MASP1: variants seen among roughly 807,000 people sequenced by gnomAD.
MASP1 encodes mannan-binding lectin serine protease 1.
A neutral mutation model predicts 77.1 loss-of-function variants in MASP1; 59 were observed. The ratio of observed to expected loss-of-function variants is 0.77; its 90% CI spans 0.62 to 0.95. The LOEUF is 0.95. Among genes scored for constraint, MASP1 ranks in the 40% least tolerant of loss-of-function variants. The probability of loss-of-function intolerance (pLI) is 0.00; values close to 1 mark genes in which losing one functional copy is unlikely to be tolerated. For synonymous variants in MASP1, 362 were observed against 354.5 expected, an observed-to-expected ratio of 1.02 and a Z score of -0.24; for missense variants, 885 against 912.9, an observed-to-expected ratio of 0.97 and a Z score of 0.39.
chr3:187,239,230 A>G (rs530115078), intron 10 of MASP1, among the ~76,000 whole-genome samples: 1 of 151,890 alleles, frequency 6.6e-6, no homozygotes, highest in Non-Finnish European at 1.5e-5. Context: ...GTGCATGCCT[A>G]TAATCCCAAC....
chr3:187,241,538 C>A lies in MASP1; in HGVS notation c.1246G>T (p.Ala416Ser). 1 of 1,613,364 alleles carries A rather than the reference C, an allele frequency of 6.2e-7. No individual in the cohort carries two copies. Among genetic ancestry groups the A allele is most frequent in the Non-Finnish European group, 8.5e-7 (1 of 1,179,442 alleles). ...ACTTTATTCATCCAGACTCCTTGGG[C>A]AGAACAGGTATATATACCTGGATTA... ...NNNTGIYTCS[A>S]QGVWMNKVLG... Residue 416 changes from alanine (A) to serine (S), a missense_variant, in exon 10 of 11, where the codon GCC (alanine) becomes TCC (serine). By Grantham distance (99) the Ala-to-Ser change is moderately conservative. Transcript: ENST00000296280.
At chr3:187,266,346 C>A (rs1316371177) in intron 2 of MASP1, among the ~76,000 whole-genome samples, 1 of 152,116 alleles carries the variant, frequency 6.6e-6, no homozygotes, top group Non-Finnish European at 1.5e-5. Context: ...AGTTCCCTGC[C>A]TCTAGGAATG....
chr3:187,221,209 C>T, intron 14 of MASP1: 2 of 970,428 alleles, frequency 2.1e-6, no homozygotes, highest in South Asian at 2.7e-5. Context: ...CTGAAGACGG[C>T]TCCTCTCCAC....
intron 1 of MASP1, among the ~76,000 whole-genome samples, chr3:187,290,330 C>T (rs750422331): frequency 5.3e-5 from 8 of 152,028 alleles, no homozygotes; most frequent in Non-Finnish European, 1.0e-4. Context: ...GAAGGTTGCT[C>T]CAGGTTGAGG....
intron 8 of MASP1, 55 bp downstream of exon 8, chr3:187,250,196 C>G: frequency 1.4e-6 from 2 of 1,426,874 alleles, no homozygotes. Context: ...CTGCTCGGAT[C>G]CCGCCAGTGC....
chr3:187,255,609 T>A (rs2108549536), intron 5 of MASP1, among the ~76,000 whole-genome samples: 1 of 152,362 alleles, frequency 6.6e-6, no homozygotes, highest in African/African-American at 2.4e-5. Flanking sequence ...CTATGCTTCC[T>A]GCTAACCCCC....
intron 2 of MASP1, among the ~76,000 whole-genome samples, chr3:187,268,501 G>T (rs1716233057): frequency 7.1e-6 from 1 of 140,758 alleles, no homozygotes; most frequent in Non-Finnish European, 1.6e-5. Context: ...CTATGAAAAA[G>T]AAAGAAAGAA....
chr3:187,265,963 G>A (rs1043110953), intron 2 of MASP1, among the ~76,000 whole-genome samples: 1 of 152,128 alleles, frequency 6.6e-6, no homozygotes, highest in African/African-American at 2.4e-5. Flanking sequence ...CTGTGCTGTG[G>A]AATATGGAGT....
chr3:187,281,738 G>T (rs1469013562), intron 2 of MASP1, among the ~76,000 whole-genome samples: 1 of 152,136 alleles, frequency 6.6e-6, no homozygotes, highest in Admixed American at 6.5e-5. Context: ...GGAGGATTGG[G>T]ATTACAATTC....
chr3:187,230,722 C>A (rs1270602545), downstream of MASP1, among the ~76,000 whole-genome samples: 1 of 152,300 alleles, frequency 6.6e-6, no homozygotes, highest in African/African-American at 2.4e-5. Flanking sequence ...CCTCGGAGAC[C>A]ATCTGGTCTA....
chr3:187,235,660 C>T lies in MASP1; in HGVS notation c.*24G>A. The T allele has an allele frequency of 1.9e-6, 3 of 1,613,414 alleles. No homozygotes were observed. The highest frequency in any genetic ancestry group is 2.5e-6 in the Non-Finnish European group (3 of 1,180,022). On this transcript the variant is annotated 3_prime_UTR_variant, in exon 11 of 11. Transcript: ENST00000296280. Reference sequence around the variant, plus strand: ...GCGGTGTAGCTTCGCTCAGGGGAGGCAGGCCCCGAGGAAGTAAGTCAGCTC... The same window carrying T: ...GCGGTGTAGCTTCGCTCAGGGGAGGTAGGCCCCGAGGAAGTAAGTCAGCTC...
chr3:187,220,271 A>C (rs769397811), intron 15 of MASP1: 211 of 1,613,290 alleles, frequency 1.3e-4, no homozygotes, highest in Non-Finnish European at 1.7e-4. Context: ...CCTAGGTGAA[A>C]AAGAGACATA....
At chr3:187,269,097 A>C (rs541385679) in intron 2 of MASP1, among the ~76,000 whole-genome samples, 2 of 152,188 alleles carry the variant, frequency 1.3e-5, no homozygotes, top group South Asian at 4.1e-4. Flanking sequence ...TAAAACCAAA[A>C]ATGGCTTCAG....
chr3:187,237,368 C>T (rs1157412393), intron 10 of MASP1, among the ~76,000 whole-genome samples: 1 of 152,214 alleles, frequency 6.6e-6, no homozygotes, highest in Non-Finnish European at 1.5e-5. Flanking sequence ...CCCACACGGA[C>T]TTAACAGATA....
intron 8 of MASP1, chr3:187,244,276 G>A (rs1418867158): frequency 1.3e-5 from 2 of 158,286 alleles, no homozygotes; most frequent in African/African-American, 4.8e-5. Context: ...CCGCATGTTT[G>A]AGCCATAATT....
Position 187,235,895 on chromosome 3 carries a change from G to C in MASP1, c.1976C>G (p.Thr659Arg). ...CAGYYEGGKD[T>R]CLGDSGGAFV... ...GGCCCCACCGCTATCTCCAAGGCAC[G>C]TGTCTTTGCCGCCCTCGTAGTAGCC... is the stretch of plus-strand genomic sequence containing the variant. The change falls in exon 11 of 11, where the codon ACG becomes AGG. Residue 659 changes from threonine to arginine, a missense_variant. Coordinates refer to ENST00000296280, the MANE Select transcript of MASP1 (RefSeq NM_139125.4). 6.2e-7 allele frequency: 1 copy of C among 1,614,216 alleles called. No homozygotes were observed. Among genetic ancestry groups the C allele is most frequent in the Non-Finnish European group, 8.5e-7 (1 of 1,180,038 alleles).
intron 10 of MASP1, among the ~76,000 whole-genome samples, chr3:187,237,741 TGCTTG>T (rs1713299628): frequency 6.6e-6 from 1 of 152,136 alleles, no homozygotes; most frequent in Non-Finnish European, 1.5e-5. Flanking sequence ...CCAGGCAGGG[TGCTTG>T]GGTCTTGGAG....
At chr3:187,278,720 G>A (rs185505682) in intron 2 of MASP1, among the ~76,000 whole-genome samples, 57 of 152,072 alleles carry the variant, frequency 3.7e-4, no homozygotes, top group African/African-American at 1.3e-3. Flanking sequence ...TCTCCCATAC[G>A]CAGCCAGTTC....
At chr3:187,242,012 C>T (rs1212316485) in intron 9 of MASP1, 4 of 184,774 alleles carry the variant, frequency 2.2e-5, no homozygotes, top group Admixed American at 1.1e-4. Context: ...CTGCTCCCCT[C>T]CCCACCCCAC....
Sources: allele counts gnomAD v4.1 joint callset (sites outside exome capture counted in the v4.1 genomes callset), GRCh38; gene constraint gnomAD v4.1.1; transcripts MANE v1.5; gene names NCBI Gene and HGNC (gene_info 2026-07-23, HGNC 2026-07-21).